Variants in PCDHGA4 observed in about 807,000 individuals in gnomAD.
The protein encoded by PCDHGA4 is protocadherin gamma-A4.
A neutral mutation model predicts 54.6 loss-of-function variants in PCDHGA4; 38 were observed. That is an observed-to-expected ratio of 0.70 (90% CI 0.54 to 0.91). PCDHGA4 has a LOEUF of 0.91. Ranked by LOEUF, PCDHGA4 falls within the 40% of genes least tolerant of loss-of-function variation. PCDHGA4 has a pLI of 0.00. For missense variants in PCDHGA4, 1,298 were observed against 1,220.9 expected (o/e 1.06, Z -0.94); for synonymous variants, 511 against 512.9 (o/e 1.00, Z 0.05).
chr5:141,400,521 G>A (rs1462677478), intron 1 of PCDHGA4: 5 of 1,613,972 alleles, frequency 3.1e-6, no homozygotes, highest in Non-Finnish European at 4.2e-6. Context: ...CCCATCCTGA[G>A]TTGGTGAGTT....
Position 141,432,530 on chromosome 5 carries a change from G to C in PCDHGA4, c.2515-62277G>C. On this transcript the variant is annotated intron_variant, in intron 1 of 3. Transcript: ENST00000571252. This position sits in a 1 kb window ranked among gnomAD's most constrained non-coding sequence, Gnocchi z 6.0. ...AGAGCCCGGCTACCTGGTGACCAAG[G>C]TGGTGGCGGTGGACAGAGACTCCGG... 6.2e-7 allele frequency: 1 copy of C among 1,614,076 alleles called. No homozygotes were observed. Among genetic ancestry groups the C allele is most frequent in the South Asian group, 1.1e-5 (1 of 91,082 alleles).
intron 1 of PCDHGA4, chr5:141,419,955 T>C: frequency 1.9e-6 from 3 of 1,614,096 alleles, no homozygotes; most frequent in Non-Finnish European, 2.5e-6. Flanking sequence ...TTGGCCTTGA[T>C]TTCTGTGCTC....
chr5:141,366,734 G>A (rs1193465026), intron 1 of PCDHGA4: 1 of 1,612,554 alleles, frequency 6.2e-7, no homozygotes, highest in Admixed American at 1.7e-5. Context: ...TGCAAACAAA[G>A]AAGAACGGCG....
chr5:141,414,620 A>G, intron 1 of PCDHGA4: 4 of 1,613,938 alleles, frequency 2.5e-6, no homozygotes, highest in Non-Finnish European at 3.4e-6. Flanking sequence ...ACAGCGCTGG[A>G]CCCGGACAGC....
At chr5:141,371,899 C>T in intron 1 of PCDHGA4, 1 of 1,613,414 alleles carries the variant, frequency 6.2e-7, no homozygotes, top group Non-Finnish European at 8.5e-7. Flanking sequence ...CGGGAGCTGT[C>T]GTCCTACGTG....
Position 141,375,486 on chromosome 5 carries a change from G to A in PCDHGA4, c.2514+17865G>A, listed in dbSNP as rs1193457334. Reference sequence around the variant, plus strand: ...TATGTCCTTGAAAACAACCCCAGGGGTGCCTCCATCTTCTCTGTGAATGCA... The same window carrying A: ...TATGTCCTTGAAAACAACCCCAGGGATGCCTCCATCTTCTCTGTGAATGCA... On this transcript the variant is annotated intron_variant, in intron 1 of 3. Transcript: ENST00000571252. 9.3e-6 allele frequency: 15 copies of A among 1,613,796 alleles called. No individual in the cohort carries two copies. The Admixed American group carries it at 1.7e-4, about 18-fold the overall frequency.
intron 2 of PCDHGA4, among the ~76,000 whole-genome samples, chr5:141,502,866 C>CTTTTT (rs549047197): frequency 1.6e-5 from 2 of 128,044 alleles, no homozygotes; most frequent in Non-Finnish European, 1.6e-5. Flanking sequence ...GACTCTCTGT[C>CTTTTT]TTTTTTTTTT....
chr5:141,355,207 G>A lies in PCDHGA4; in HGVS notation c.100G>A (p.Ala34Thr), dbSNP rs764438862. ...ACTCCGCGGCGGGGTTGTAATGGCG[G>A]CGCCTCCTGCTCGCCCAGACCACAC... ...RRLRGGVVMA[A>T]PPARPDHTRL... is the part of the protein sequence containing the mutation. Residue 34 changes from alanine to threonine, a missense_variant, in exon 1 of 4, where the codon GCG becomes ACG. Physicochemically the swap from Ala to Thr is moderately conservative, Grantham distance 58. Transcript: ENST00000571252. The A allele has an allele frequency of 3.4e-5, 55 of 1,598,704 alleles. No individual in the cohort carries two copies. The highest frequency in any genetic ancestry group is 1.7e-5 in the Non-Finnish European group (20 of 1,171,260).
intron 1 of PCDHGA4, chr5:141,419,512 G>T (rs754877872): frequency 3.7e-6 from 6 of 1,612,296 alleles, no homozygotes; most frequent in South Asian, 1.1e-5. Context: ...TGCGCGTGTT[G>T]GTGGGCGACC....
intron 1 of PCDHGA4, chr5:141,404,341 AAAC>A (rs769977252): frequency 6.2e-7 from 1 of 1,613,966 alleles, no homozygotes; most frequent in Non-Finnish European, 8.5e-7. Flanking sequence ...ACCTCCCGGA[AAAC>A]AACGCCAGAG....
chr5:141,441,891 G>A, intron 1 of PCDHGA4: 1 of 348,040 alleles, frequency 2.9e-6, no homozygotes, highest in East Asian at 9.1e-5. Flanking sequence ...TCACCAAGGT[G>A]GTGGCTGTAG....
At chr5:141,376,273 T>A in intron 1 of PCDHGA4, 2 of 1,614,102 alleles carry the variant, frequency 1.2e-6, no homozygotes, top group Non-Finnish European at 1.7e-6. Flanking sequence ...CTTCGGGAGG[T>A]GGCTTAGCGA....
chr5:141,389,538 G>A (rs772693461), intron 1 of PCDHGA4: 1 of 1,613,186 alleles, frequency 6.2e-7, no homozygotes, highest in Admixed American at 1.7e-5. Context: ...GTTAGTGGAC[G>A]ACCGCAACGA....
At chr5:141,375,313 A>C in intron 1 of PCDHGA4, 1 of 1,613,824 alleles carries the variant, frequency 6.2e-7, no homozygotes, top group Non-Finnish European at 8.5e-7. Context: ...ATGCAGCTCT[A>C]GACCGGGAAG....
intron 1 of PCDHGA4, among the ~76,000 whole-genome samples, chr5:141,451,072 C>A (rs2098705989): frequency 6.6e-6 from 1 of 152,026 alleles, no homozygotes; most frequent in African/African-American, 2.4e-5. Context: ...TTGTGATCCA[C>A]CCACCTTGAC....
intron 1 of PCDHGA4, among the ~76,000 whole-genome samples, chr5:141,397,821 T>C (rs1225096146): frequency 2.0e-5 from 3 of 152,238 alleles, no homozygotes; most frequent in African/African-American, 7.2e-5. Context: ...AAACAATTAC[T>C]GCACTGGTTA....
intron 1 of PCDHGA4, among the ~76,000 whole-genome samples, chr5:141,425,133 A>T (rs1311425564): frequency 6.6e-6 from 1 of 152,200 alleles, no homozygotes; most frequent in Non-Finnish European, 1.5e-5. Flanking sequence ...GTCAAGAAAA[A>T]TGTTCAGGTA....
chr5:141,389,610 G>C, intron 1 of PCDHGA4: 1 of 1,613,118 alleles, frequency 6.2e-7, no homozygotes, highest in Non-Finnish European at 8.5e-7. Flanking sequence ...CTTCGATATG[G>C]TGCCGCACGC....
In PCDHGA4 at chr5:141,355,309, G is replaced by C. The variant is rs764402775; in HGVS notation, c.202G>C (p.Glu68Gln). Residue 68 changes from glutamate to glutamine, a missense_variant, in exon 1 of 4, where the codon GAG becomes CAG. Transcript: ENST00000571252. ...CGAACAGATTCTCTACTCGGTGTTT[G>C]AGGAGCAGGAAGAAGGCTCAGTGGT... ...RAEQILYSVF[E>Q]EQEEGSVVGN... The C allele has an allele frequency of 6.2e-7, 1 of 1,613,956 alleles. No individual in the cohort carries two copies. Among genetic ancestry groups the C allele is most frequent in the Middle Eastern group, 1.7e-4 (1 of 5,980 alleles).
Sources: allele counts gnomAD v4.1 joint callset (sites outside exome capture counted in the v4.1 genomes callset), GRCh38; gene constraint gnomAD v4.1.1; non-coding constraint Gnocchi (gnomAD v3.1); transcripts MANE v1.5; gene names NCBI Gene and HGNC (gene_info 2026-07-23, HGNC 2026-07-21).